MACROD2: variants seen among roughly 807,000 people sequenced by gnomAD.
The protein encoded by MACROD2 is mono-ADP ribosylhydrolase 2, also known as ADP-ribose glycohydrolase MACROD2.
MACROD2 carries 36 observed loss-of-function variants against 70.4 expected under a neutral mutation model. The observed-to-expected ratio is 0.51, with a 90% CI of 0.39 to 0.68. The LOEUF (loss-of-function observed/expected upper bound fraction) is 0.68, where lower values mean the gene tolerates loss of function less well. MACROD2 is among the 30% of genes least tolerant of loss of function. The pLI is 0.00. For synonymous variants in MACROD2, 172 were observed against 178.8 expected (o/e 0.96, Z 0.30); for missense variants, 496 against 538.4 (o/e 0.92, Z 0.78).
At chr20:15,620,299 G>A (rs953796501) in intron 8 of MACROD2, among the ~76,000 whole-genome samples, 2 of 152,158 alleles carry the variant, frequency 1.3e-5, no homozygotes, top group Non-Finnish European at 2.9e-5. Context: ...GTTGGGGTTT[G>A]TTATAATGAG....
chr20:14,664,076 C>G (rs2070710023), intron 4 of MACROD2, among the ~76,000 whole-genome samples: 1 of 151,966 alleles, frequency 6.6e-6, no homozygotes, highest in Admixed American at 6.6e-5. Context: ...TGTTGAACAA[C>G]ATATTTTTAA....
At chr20:15,898,623 T>C (rs2065013186) in intron 10 of MACROD2, among the ~76,000 whole-genome samples, 1 of 146,386 alleles carries the variant, frequency 6.8e-6, no homozygotes, top group Admixed American at 6.9e-5. Flanking sequence ...TGAAGTGGGG[T>C]CCTGTAATCT....
chr20:14,846,051 T>C (rs1030070699), intron 5 of MACROD2, among the ~76,000 whole-genome samples: 1 of 152,114 alleles, frequency 6.6e-6, no homozygotes, highest in African/African-American at 2.4e-5. Context: ...ATTTATTTCA[T>C]CTAGCAAGTG....
intron 6 of MACROD2, among the ~76,000 whole-genome samples, chr20:15,317,189 A>C (rs1019977913): frequency 1.3e-5 from 2 of 152,126 alleles, no homozygotes; most frequent in African/African-American, 4.8e-5. Flanking sequence ...GTATTAAAAA[A>C]GGAAATAATA....
chr20:15,106,584 C>T (rs2123208595), intron 5 of MACROD2, among the ~76,000 whole-genome samples: 1 of 152,270 alleles, frequency 6.6e-6, no homozygotes, highest in South Asian at 2.1e-4. Flanking sequence ...AAACTACCTC[C>T]TCTGTGCAGG....
chr20:14,412,341 T>C (rs1279357451), intron 3 of MACROD2, among the ~76,000 whole-genome samples: 5 of 152,200 alleles, frequency 3.3e-5, no homozygotes, highest in African/African-American at 1.2e-4. Context: ...CAATTAAAGA[T>C]GTCATGTTGG....
In MACROD2 at chr20:14,728,943, G is replaced by A. The variant is rs978206610; in HGVS notation, c.418+43984G>A. Among the ~76,000 whole-genome samples, 12 of 152,158 alleles carry A rather than the reference G, an allele frequency of 7.9e-5. 1 individual carries two copies. The highest frequency in any genetic ancestry group is 2.9e-4 in the African/African-American group (12 of 41,514). On this transcript the variant is annotated intron_variant, in intron 5 of 17. Coordinates refer to ENST00000684519, the MANE Select transcript of MACROD2 (RefSeq NM_001351661.2). ...GGTTAGATAGAGTAAATTCTAAAAA[G>A]CTGCAAAAACATTTAGGTTATATAT...
At chr20:15,358,245 G>A (rs1381563979) in intron 6 of MACROD2, among the ~76,000 whole-genome samples, 1 of 152,162 alleles carries the variant, frequency 6.6e-6, no homozygotes, top group Non-Finnish European at 1.5e-5. Flanking sequence ...GAGATAAGTA[G>A]TATATTTACA....
At chr20:14,339,692 G>A (rs983584097) in intron 3 of MACROD2, among the ~76,000 whole-genome samples, 2 of 152,080 alleles carry the variant, frequency 1.3e-5, no homozygotes, top group Non-Finnish European at 2.9e-5. Flanking sequence ...CATATTTGTT[G>A]CCCTAGGCTT....
intron 5 of MACROD2, among the ~76,000 whole-genome samples, chr20:15,164,051 A>G (rs1014987210): frequency 6.6e-6 from 1 of 151,922 alleles, no homozygotes; most frequent in African/African-American, 2.4e-5. Flanking sequence ...CAATGTTAAG[A>G]AAAAAAATCA....
intron 8 of MACROD2, among the ~76,000 whole-genome samples, chr20:15,844,323 G>A (rs8123764): frequency 0.013 from 1,979 of 152,040 alleles, 41 homozygotes; most frequent in African/African-American, 0.045. Context: ...GGGAAATGAC[G>A]AACACATAAA....
chr20:15,392,154 G>T (rs968609863), intron 6 of MACROD2, among the ~76,000 whole-genome samples: 23 of 152,224 alleles, frequency 1.5e-4, no homozygotes, highest in African/African-American at 5.1e-4. Context: ...TTGAAAGCTG[G>T]TATTAAAGGT....
intron 3 of MACROD2, among the ~76,000 whole-genome samples, chr20:14,356,498 C>CTTTTT (rs71190132): frequency 2.0e-3 from 150 of 76,748 alleles, no homozygotes; most frequent in Non-Finnish European, 2.4e-3. Flanking sequence ...GATCTACTTT[C>CTTTTT]TTTTTTTTTT....
chr20:14,783,957 G>T (rs1442937889), intron 5 of MACROD2, among the ~76,000 whole-genome samples: 1 of 152,094 alleles, frequency 6.6e-6, no homozygotes, highest in African/African-American at 2.4e-5. Context: ...AAGTGCTTGA[G>T]CAAAGTAAAT....
Position 14,688,498 on chromosome 20 carries a change from G to T in MACROD2, c.418+3539G>T, listed in dbSNP as rs190372142. 1.7e-3 allele frequency among the ~76,000 whole-genome samples: 253 copies of T among 152,142 alleles called. 1 individual carries two copies. Among genetic ancestry groups the T allele is most frequent in the Non-Finnish European group, 2.9e-3 (199 of 67,976 alleles). On this transcript the variant is annotated intron_variant, in intron 5 of 17. Coordinates refer to ENST00000684519, the MANE Select transcript of MACROD2 (RefSeq NM_001351661.2). ...TTGAATGATTTCTTTTTGACATTAA[G>T]AATATCCAATCATTCTTTTCAAAAG...
At chr20:16,009,515 G>A (rs1003151908) in intron 15 of MACROD2, among the ~76,000 whole-genome samples, 4 of 152,252 alleles carry the variant, frequency 2.6e-5, no homozygotes, top group South Asian at 2.1e-4. Flanking sequence ...CCAGCACTTC[G>A]GGAGGCCGAG....
At chr20:14,862,498 A>T (rs866191755) in intron 5 of MACROD2, among the ~76,000 whole-genome samples, 18 of 17,806 alleles carry the variant, frequency 1.0e-3, no homozygotes, top group Admixed American at 4.2e-3. Context: ...TATATATATA[A>T]ATATATATAA....
intron 5 of MACROD2, among the ~76,000 whole-genome samples, chr20:14,806,467 GC>G (rs2122157725): frequency 6.6e-6 from 1 of 152,152 alleles, no homozygotes; most frequent in East Asian, 1.9e-4. Context: ...TACCTCAGGT[GC>G]CTATACCACC....
intron 3 of MACROD2, among the ~76,000 whole-genome samples, chr20:14,349,191 CTTT>C (rs5840611): frequency 1.8e-4 from 24 of 136,750 alleles, no homozygotes; most frequent in Non-Finnish European, 2.5e-4. Flanking sequence ...TATATACAAA[CTTT>C]TTTTTTTTTT....
Sources: gnomAD v4.1 joint callset for allele counts (sites outside exome capture counted in the v4.1 genomes callset) on GRCh38, gnomAD v4.1.1 for gene constraint, MANE v1.5 for transcripts, NCBI Gene and HGNC (gene_info 2026-07-23, HGNC 2026-07-21) for gene names.